Variants in AXDND1 observed in about 807,000 individuals in gnomAD.
AXDND1 encodes the protein axonemal dynein light chain domain-containing protein 1.
In AXDND1, 110 loss-of-function variants were observed where a neutral mutation model predicts 137.5. That is an observed-to-expected ratio of 0.80 (90% CI 0.69 to 0.94). The LOEUF (loss-of-function observed/expected upper bound fraction) is 0.94, where lower values mean the gene tolerates loss of function less well. Ranked by LOEUF, AXDND1 falls within the 40% of genes least tolerant of loss-of-function variation. The pLI, the probability that AXDND1 is intolerant of heterozygous loss-of-function variation, is 0.00. For missense variants in AXDND1, 1,191 were observed against 1,169.8 expected (o/e 1.02, Z -0.26); for synonymous variants, 414 against 399.7 (o/e 1.04, Z -0.43).
intron 21 of AXDND1, among the ~76,000 whole-genome samples, chr1:179,524,176 T>C (rs1275279034): frequency 2.0e-5 from 3 of 152,198 alleles, no homozygotes; most frequent in African/African-American, 4.8e-5. Flanking sequence ...CTTTTTCATA[T>C]AATGACTGCT....
At chr1:179,554,482 A>G (rs1406733643) in intron 25 of AXDND1, 30 bp from the exon 26 acceptor site, 15 of 1,614,006 alleles carry the variant, frequency 9.3e-6, no homozygotes, top group Admixed American at 1.7e-5. Context: ...CCACATTTCT[A>G]TTCTCTCCAC....
chr1:179,508,541 G>A (rs1002042338), intron 20 of AXDND1, among the ~76,000 whole-genome samples: 3 of 151,960 alleles, frequency 2.0e-5, no homozygotes, highest in East Asian at 1.9e-4. Context: ...CCTTTTAAAC[G>A]TTGAAACCAG....
At chr1:179,402,178 A>C (rs1652195128) in intron 11 of AXDND1, among the ~76,000 whole-genome samples, 1 of 151,946 alleles carries the variant, frequency 6.6e-6, no homozygotes. Flanking sequence ...AAAAAAAAAA[A>C]AAAATCACCC....
intron 17 of AXDND1, among the ~76,000 whole-genome samples, chr1:179,476,843 A>G (rs1293605380): frequency 6.6e-6 from 1 of 152,070 alleles, no homozygotes; most frequent in African/African-American, 2.4e-5. Flanking sequence ...ACCTCTTTGT[A>G]TTTATCTTAC....
At chr1:179,535,492 T>C (rs942942755) in intron 25 of AXDND1, among the ~76,000 whole-genome samples, 1 of 152,230 alleles carries the variant, frequency 6.6e-6, no homozygotes, top group African/African-American at 2.4e-5. Context: ...TCTGTCCTTG[T>C]GATAGTTTGC....
At chr1:179,448,709 AG>A (rs1558193396) in intron 16 of AXDND1, 1 of 166,094 alleles carries the variant, frequency 6.0e-6, no homozygotes, top group Non-Finnish European at 1.3e-5. Flanking sequence ...TAAGTACAAA[AG>A]TTTTTAATTT....
At chr1:179,411,316 C>T (rs749662276) in intron 12 of AXDND1, 50 bp downstream of exon 12, 2 of 1,583,492 alleles carry the variant, frequency 1.3e-6, no homozygotes, top group Non-Finnish European at 1.7e-6. Flanking sequence ...GCTAAAGATT[C>T]ATTCTACAGT....
At chr1:179,435,631 G>C (rs1383400743) in intron 15 of AXDND1, among the ~76,000 whole-genome samples, 1 of 152,148 alleles carries the variant, frequency 6.6e-6, no homozygotes, top group Non-Finnish European at 1.5e-5. Context: ...AGGAAAACTG[G>C]CTAGTCATAT....
chr1:179,458,519 T>G (rs72719283), intron 16 of AXDND1, among the ~76,000 whole-genome samples: 9,549 of 152,092 alleles, frequency 0.063, 355 homozygotes, highest in African/African-American at 0.071. Flanking sequence ...ATAATAATTA[T>G]TATTATAGCT....
At chr1:179,500,144 C>T (rs191043487) in intron 20 of AXDND1, among the ~76,000 whole-genome samples, 5 of 152,098 alleles carry the variant, frequency 3.3e-5, no homozygotes, top group African/African-American at 1.2e-4. Context: ...GAACAAAATA[C>T]AGGCAAATCA....
chr1:179,383,828 C>T (rs1230094193), intron 8 of AXDND1, among the ~76,000 whole-genome samples: 5 of 152,108 alleles, frequency 3.3e-5, no homozygotes, highest in African/African-American at 1.2e-4. Flanking sequence ...TATTATTTCA[C>T]CAAATATAAG....
rs1665637554 is a variant in AXDND1, at chr1:179,483,219, C to T, written c.2089C>T (p.His697Tyr). 6.3e-7 allele frequency: 1 copy of T among 1,591,002 alleles called. No homozygotes were observed. The highest frequency in any genetic ancestry group is 1.8e-5 in the Admixed American group (1 of 56,842). ...INNGNIELQH[H>Y]MDELHISMIQ... ...CAACGGTAACATTGAACTTCAGCAC[C>T]ACGTATGTACTTGTAAGGGTTTTTG... The change falls in exon 18 of 26, where the codon CAC becomes TAC. Residue 697 changes from histidine (H) to tyrosine (Y), a missense_variant and splice_region_variant. Coordinates refer to ENST00000367618, the MANE Select transcript of AXDND1 (RefSeq NM_144696.6).
At chr1:179,482,098 ATTTTTTT>A (rs57145549) in intron 17 of AXDND1, among the ~76,000 whole-genome samples, 182 of 108,038 alleles carry the variant, frequency 1.7e-3, no homozygotes, top group African/African-American at 2.3e-3. Context: ...GAGCTTTTTA[ATTTTTTT>A]TTTTTTTTTT....
chr1:179,477,669 A>G (rs769687018), intron 17 of AXDND1, among the ~76,000 whole-genome samples: 77 of 152,194 alleles, frequency 5.1e-4, no homozygotes, highest in Non-Finnish European at 9.3e-4. Flanking sequence ...CAGCCAAACC[A>G]TATCATTTTG....
intron 6 of AXDND1, 45 bp from the exon 7 acceptor site, chr1:179,382,655 A>C: frequency 7.0e-7 from 1 of 1,430,970 alleles, no homozygotes; most frequent in Non-Finnish European, 9.8e-7. Flanking sequence ...TAAACAGGCC[A>C]GAAAATTTTC....
intron 12 of AXDND1, among the ~76,000 whole-genome samples, chr1:179,425,671 TG>T (rs941564108): frequency 6.6e-6 from 1 of 151,948 alleles, no homozygotes; most frequent in Non-Finnish European, 1.5e-5. Flanking sequence ...ACCATGAGTT[TG>T]GGGAAAATTT....
At chr1:179,533,607 A>G (rs1671228442) in intron 23 of AXDND1, among the ~76,000 whole-genome samples, 188 bp from the exon 24 acceptor site, 1 of 144,350 alleles carries the variant, frequency 6.9e-6, no homozygotes, top group Admixed American at 7.1e-5. Context: ...CTTCTATGCT[A>G]TTTGACCAGA....
At chr1:179,419,671 CAG>C (rs1291930140) in intron 12 of AXDND1, among the ~76,000 whole-genome samples, 27 of 129,562 alleles carry the variant, frequency 2.1e-4, no homozygotes, top group African/African-American at 7.6e-4. Flanking sequence ...GGGAGGGAGA[CAG>C]AGAGGGAGAG....
intron 16 of AXDND1, 23 bp downstream of exon 16, chr1:179,445,227 TA>T (rs746545007): frequency 2.8e-5 from 38 of 1,378,062 alleles, no homozygotes; most frequent in Non-Finnish European, 3.2e-5. Flanking sequence ...TCATAATAAT[TA>T]GATTTCTTGG....
Sources: gnomAD v4.1 joint callset for allele counts (sites outside exome capture counted in the v4.1 genomes callset) on GRCh38, gnomAD v4.1.1 for gene constraint, MANE v1.5 for transcripts, NCBI Gene and HGNC (gene_info 2026-07-23, HGNC 2026-07-21) for gene names.